Variants in DENND4C observed in about 807,000 individuals in gnomAD.
DENND4C encodes DENN domain-containing protein 4C.
Under a neutral mutation model 203.0 loss-of-function variants are expected in DENND4C, and 108 were observed. That is an observed-to-expected ratio of 0.53 (90% CI 0.46 to 0.62). The LOEUF (loss-of-function observed/expected upper bound fraction) is 0.62, where lower values mean the gene tolerates loss of function less well. Among genes scored for constraint, DENND4C ranks in the 20% least tolerant of loss-of-function variants. The probability of loss-of-function intolerance (pLI) is 0.00; values close to 1 mark genes in which losing one functional copy is unlikely to be tolerated. For synonymous variants in DENND4C, 871 were observed against 792.4 expected (o/e 1.10, Z -1.67); for missense variants, 2,481 against 2,301.2 (o/e 1.08, Z -1.60).
At chr9:19,257,992 T>G (rs1230688351) in intron 1 of DENND4C, among the ~76,000 whole-genome samples, 1 of 152,034 alleles carries the variant, frequency 6.6e-6, no homozygotes, top group African/African-American at 2.4e-5. Context: ...GTGGTTCATG[T>G]CCACGGTACC....
chr9:19,359,060 A>G (rs1478766023), intron 28 of DENND4C, among the ~76,000 whole-genome samples: 2 of 151,698 alleles, frequency 1.3e-5, no homozygotes, highest in Non-Finnish European at 2.9e-5. Context: ...AAATTTCCCT[A>G]TGTCTCTGTT....
intron 12 of DENND4C, among the ~76,000 whole-genome samples, chr9:19,318,045 G>A (rs1253836497): frequency 6.6e-6 from 1 of 152,172 alleles, no homozygotes; most frequent in Non-Finnish European, 1.5e-5. Context: ...TCTAATGGGC[G>A]CAGTGGCTCA....
rs528354656 is a variant in DENND4C, at chr9:19,247,407, G to A, written c.-18+16574G>A. On this transcript the variant is annotated intron_variant, in intron 1 of 32. Coordinates refer to ENST00000434457, the MANE Select transcript of DENND4C (RefSeq NM_001330640.2). ...CCACACTATAATGGACTGCTTTTTC[G>A]TTTTTCAAGACAGGGTCTCATTCTG... Among the ~76,000 whole-genome samples, 10 of 152,150 alleles carry A rather than the reference G, an allele frequency of 6.6e-5. No homozygotes were observed. In the East Asian group the frequency reaches 1.7e-3, roughly 26 times the overall value.
intron 2 of DENND4C, among the ~76,000 whole-genome samples, chr9:19,282,979 A>G (rs1588837080): frequency 6.6e-6 from 1 of 151,656 alleles, no homozygotes; most frequent in African/African-American, 2.4e-5. Context: ...TTGACCTCCC[A>G]AAGTGCTGGA....
intron 1 of DENND4C, among the ~76,000 whole-genome samples, chr9:19,269,393 G>A (rs1049474501): frequency 2.0e-5 from 3 of 152,014 alleles, no homozygotes; most frequent in Non-Finnish European, 4.4e-5. Flanking sequence ...TCCTGACCTC[G>A]GGTGATCTGC....
At chr9:19,255,098 A>T (rs565339930) in intron 1 of DENND4C, among the ~76,000 whole-genome samples, 306 of 152,070 alleles carry the variant, frequency 2.0e-3, no homozygotes, top group Non-Finnish European at 3.5e-3. Context: ...GTGAGCCAAG[A>T]TTGTGCCGTT....
At chr9:19,316,377 A>G (rs780079088) in intron 10 of DENND4C, 40 bp from the exon 11 acceptor site, 2 of 1,534,318 alleles carry the variant, frequency 1.3e-6, no homozygotes, top group Non-Finnish European at 1.8e-6. Flanking sequence ...AAAGCAGATT[A>G]TGAATAACAC....
In DENND4C at chr9:19,371,812, T is replaced by C. The variant is rs1480008292; in HGVS notation, c.5732T>C (p.Ile1911Thr). The C allele has an allele frequency of 6.9e-7, 1 of 1,448,530 alleles. No individual in the cohort carries two copies. The highest frequency in any genetic ancestry group is 9.6e-7 in the Non-Finnish European group (1 of 1,044,004). 89.7% of individuals were successfully genotyped at this position (1,448,530 alleles called of 1,614,324 possible). A position where few individuals can be genotyped will look rare whatever the true frequency, so the allele number is the denominator to read the frequency against. ...LSLVSLGREN[I>T]DIEAFDNEYG... ...TTAGTGTCTCTAGGAAGAGAGAATA[T>C]TGATATTGGTAAGTTGGTTAATAAA... is the stretch of plus-strand genomic sequence containing the variant. The change falls in exon 32 of 33, where the codon ATT becomes ACT. Residue 1911 changes from isoleucine to threonine, a missense_variant. Transcript: ENST00000434457.
chr9:19,350,561 A>G, intron 23 of DENND4C, 141 bp from the exon 24 acceptor site: 1 of 633,412 alleles, frequency 1.6e-6, no homozygotes, highest in East Asian at 2.8e-5. Flanking sequence ...AATAGTGAGG[A>G]GATTTCATGG....
chr9:19,354,781 G>C (rs1432541128), intron 26 of DENND4C, among the ~76,000 whole-genome samples: 1 of 151,712 alleles, frequency 6.6e-6, no homozygotes, highest in African/African-American at 2.4e-5. Flanking sequence ...CCTGATCTCA[G>C]ATGATCCACC....
chr9:19,315,329 C>G (rs1588901630), intron 10 of DENND4C, among the ~76,000 whole-genome samples: 1 of 151,894 alleles, frequency 6.6e-6, no homozygotes, highest in East Asian at 1.9e-4. Flanking sequence ...CAGATGTGGC[C>G]TTGGTGTTAC....
At chr9:19,328,631 GTGTC>G (rs200869394) in intron 16 of DENND4C, among the ~76,000 whole-genome samples, 15,550 of 145,314 alleles carry the variant, frequency 0.11, 865 homozygotes, top group East Asian at 0.19. Context: ...GTCTATATAT[GTGTC>G]TGTCTGTCTG....
chr9:19,367,566 T>C (rs1290301440), intron 30 of DENND4C, among the ~76,000 whole-genome samples: 3 of 152,192 alleles, frequency 2.0e-5, no homozygotes, highest in Non-Finnish European at 4.4e-5. Flanking sequence ...GGAAACCCCG[T>C]CTCTACTAAA....
At chr9:19,267,373 T>C (rs1830713384) in intron 1 of DENND4C, among the ~76,000 whole-genome samples, 2 of 152,316 alleles carry the variant, frequency 1.3e-5, no homozygotes, top group East Asian at 1.9e-4. Context: ...CTTTGTCTCT[T>C]TTTATGGTTT....
chr9:19,242,036 A>G (rs1823879347), intron 1 of DENND4C, among the ~76,000 whole-genome samples: 1 of 152,116 alleles, frequency 6.6e-6, no homozygotes, highest in African/African-American at 2.4e-5. Context: ...ATTGTGAGAA[A>G]TAGTTTCACC....
chr9:19,243,032 T>C (rs946003431), intron 1 of DENND4C, among the ~76,000 whole-genome samples: 5 of 152,158 alleles, frequency 3.3e-5, no homozygotes, highest in African/African-American at 1.2e-4. Flanking sequence ...AAGGGGGGTA[T>C]CTTGATGTTT....
rs192128521 is a variant in DENND4C at position 19,256,684 on chromosome 9, T to A, written c.-17-19474T>A. 2.0e-3 allele frequency among the ~76,000 whole-genome samples: 302 copies of A among 152,286 alleles called. 1 individual carries two copies. The highest frequency in any genetic ancestry group is 7.0e-3 in the African/African-American group (293 of 41,562). The stretch of plus-strand genomic sequence containing the variant: ...TCTGTGTCTTTTTTATGTTATTTTT[T>A]ATTTTAATTTGTAGTTTTTTAGTAA... On this transcript the variant is annotated intron_variant, in intron 1 of 32. Coordinates refer to ENST00000434457, the MANE Select transcript of DENND4C (RefSeq NM_001330640.2).
chr9:19,324,892 A>C (rs1843472509), intron 13 of DENND4C, among the ~76,000 whole-genome samples: 1 of 151,910 alleles, frequency 6.6e-6, no homozygotes, highest in African/African-American at 2.4e-5. Context: ...AGTTTTTTTA[A>C]TTTTTGGTAG....
At chr9:19,267,411 C>G (rs1049909781) in intron 1 of DENND4C, among the ~76,000 whole-genome samples, 2 of 152,162 alleles carry the variant, frequency 1.3e-5, no homozygotes, top group Non-Finnish European at 2.9e-5. Flanking sequence ...TTATCTGATA[C>G]AAGTATACCT....
Sources: gnomAD v4.1 joint callset for allele counts (sites outside exome capture counted in the v4.1 genomes callset) on GRCh38, gnomAD v4.1.1 for gene constraint, MANE v1.5 for transcripts, NCBI Gene and HGNC (gene_info 2026-07-23, HGNC 2026-07-21) for gene names.